CEACAM4: variants seen among roughly 807,000 people sequenced by gnomAD.
The protein encoded by CEACAM4 is CEA cell adhesion molecule 4, also known as cell adhesion molecule CEACAM4.
In CEACAM4, 30 loss-of-function variants were observed where a neutral mutation model predicts 28.7. The observed-to-expected ratio is 1.05, with a 90% CI of 0.78 to 1.42. The LOEUF (loss-of-function observed/expected upper bound fraction) is 1.42. Among genes scored for constraint, CEACAM4 ranks in the 40% most tolerant of loss-of-function variants. The probability of loss-of-function intolerance (pLI) is 0.00; values close to 1 mark genes in which losing one functional copy is unlikely to be tolerated. For synonymous variants in CEACAM4, 143 were observed against 126.5 expected, an observed-to-expected ratio of 1.13 and a Z score of -0.87; for missense variants, 330 against 308.2, an observed-to-expected ratio of 1.07 and a Z score of -0.53.
chr19:41,620,120 A>AGTGCT (rs1429040743), intron 5 of CEACAM4, 91 bp downstream of exon 5: 1 of 1,161,866 alleles, frequency 8.6e-7, no homozygotes, highest in Non-Finnish European at 1.2e-6. Context: ...AAGGTGGGTC[A>AGTGCT]GTGCTGTGCT....
Position 41,625,974 on chromosome 19 carries a change from A to T in CEACAM4, c.65-14T>A. On this transcript the variant is annotated splice_polypyrimidine_tract_variant and intron_variant, in intron 1 of 6. Transcript: ENST00000221954. ...TTAAAAGTGAGGCTAGGAGGTGAAG[A>T]CAGCATCAGTCAATACTGGGACCTA... The T allele has an allele frequency of 1.3e-6, 2 of 1,597,526 alleles. No individual in the cohort carries two copies. The highest frequency in any genetic ancestry group is 1.7e-6 in the Non-Finnish European group (2 of 1,171,316).
In CEACAM4 at chr19:41,621,701, C is replaced by G; in HGVS notation, c.492G>C (p.Val164=). 1 of 1,613,290 alleles carries G rather than the reference C, an allele frequency of 6.2e-7. No homozygotes were observed. Among genetic ancestry groups the G allele is most frequent in the Non-Finnish European group, 8.5e-7 (1 of 1,179,290 alleles). The change falls in exon 3 of 7, where the codon GTG becomes GTC. Residue 164 remains valine, a synonymous_variant. Coordinates refer to ENST00000221954, the MANE Select transcript of CEACAM4 (RefSeq NM_001817.4). ...AGIVTGVLVG[V]ALVAALVCFL... is the part of the protein sequence containing the mutation. ...AACACACCAGGGCGGCCACCAGAGC[C>G]ACCCCAACCAGGACCCCAGTCACGA...
downstream of CEACAM4, among the ~76,000 whole-genome samples, chr19:41,615,961 C>CTGAAGA (rs2070978095): frequency 6.6e-6 from 1 of 152,100 alleles, no homozygotes; most frequent in Non-Finnish European, 1.5e-5. Flanking sequence ...GGGATGTGTG[C>CTGAAGA]TGAAGAGGAA....
Position 41,620,459 on chromosome 19 carries a change from A to G in CEACAM4, c.595+116T>C, listed in dbSNP as rs559077342. The G allele has an allele frequency of 5.2e-6, 5 of 959,760 alleles. No homozygotes were observed. The South Asian group carries it at 8.3e-5, about 16-fold the overall frequency. The allele number at this position is 959,760 out of a possible 1,614,324, so 59.5% of individuals were successfully genotyped here. A position where few individuals can be genotyped will look rare whatever the true frequency, so the allele number is the denominator to read the frequency against. ...GGGGTCCCCTGTGTCATGTTTCCTG[A>G]CATCCTCCTTGCAGCCCCAAAGAAA... On this transcript the variant is annotated intron_variant, in intron 4 of 6. Transcript: ENST00000221954.
chr19:41,621,582 C>T (rs1333697085), intron 3 of CEACAM4, 69 bp downstream of exon 3: 7 of 795,568 alleles, frequency 8.8e-6, no homozygotes, highest in Admixed American at 2.1e-5. Flanking sequence ...GAATACAGGG[C>T]GGGGTCTCCC....
At position 41,626,998 on chromosome 19, in the gene CEACAM4, A is replaced by T; in HGVS notation, c.-35T>A. 6.4e-7 allele frequency: 1 copy of T among 1,568,196 alleles called. No homozygotes were observed. On this transcript the variant is annotated 5_prime_UTR_variant, in exon 1 of 7. Coordinates refer to ENST00000221954, the MANE Select transcript of CEACAM4 (RefSeq NM_001817.4). ...TGCCTGCTTGTCCTCTGTGGAGAGG[A>T]GCTGGGCTCCAGGAACGCTCTTGTC... is the stretch of plus-strand genomic sequence containing the variant.
At chr19:41,616,523 AG>A (rs1935117576), downstream of CEACAM4, among the ~76,000 whole-genome samples, 3 of 151,960 alleles carry the variant, frequency 2.0e-5, no homozygotes, top group African/African-American at 4.8e-5. Context: ...ATAGATAGAT[AG>A]ATAGATAGAT....
chr19:41,620,064 C>T lies in CEACAM4; in HGVS notation c.627+147G>A, dbSNP rs554867798. 6.8e-6 allele frequency: 5 copies of T among 738,188 alleles called. No homozygotes were observed. The East Asian group carries it at 9.5e-5, about 14-fold the overall frequency. The allele number at this position is 738,188 out of a possible 1,614,324, so 45.7% of individuals were successfully genotyped here. ...GTGGTCCTGGCCCTGTAGAGAGGCCCGGATCCTGGCCGGAGGCACTCACTT... is the reference window on the plus strand; with the variant it reads ...GTGGTCCTGGCCCTGTAGAGAGGCCTGGATCCTGGCCGGAGGCACTCACTT... On this transcript the variant is annotated intron_variant, in intron 5 of 6. Coordinates refer to ENST00000221954, the MANE Select transcript of CEACAM4 (RefSeq NM_001817.4).
chr19:41,622,853 T>TATATATAGATAG (rs201784352), intron 2 of CEACAM4, among the ~76,000 whole-genome samples: 2 of 132,332 alleles, frequency 1.5e-5, no homozygotes, highest in African/African-American at 6.2e-5. Flanking sequence ...TATACATATA[T>TATATATAGATAG]ATAGATAGAT....
chr19:41,625,434 T>C, intron 2 of CEACAM4, 167 bp downstream of exon 2: 1 of 818,802 alleles, frequency 1.2e-6, no homozygotes, highest in Non-Finnish European at 2.0e-6. Context: ...AAAGGAATTC[T>C]GATCTGTTGA....
At chr19:41,615,503 A>G (rs1350103512), downstream of CEACAM4, among the ~76,000 whole-genome samples, 1 of 152,126 alleles carries the variant, frequency 6.6e-6, no homozygotes, top group Non-Finnish European at 1.5e-5. Flanking sequence ...CTTAAAATGT[A>G]CATGGCATGG....
At chr19:41,615,944 T>C (rs1278657913), downstream of CEACAM4, among the ~76,000 whole-genome samples, 2 of 152,148 alleles carry the variant, frequency 1.3e-5, no homozygotes, top group African/African-American at 2.4e-5. Flanking sequence ...CCTATTTTAG[T>C]TCCCTGGGGA....
intron 1 of CEACAM4, 54 bp downstream of exon 1, chr19:41,626,846 C>A: frequency 6.6e-7 from 1 of 1,515,402 alleles, no homozygotes; most frequent in East Asian, 2.3e-5. Flanking sequence ...CAAGAGACCC[C>A]AGTCAGTCTC....
Position 41,623,415 on chromosome 19 carries a change from C to G in CEACAM4, c.425-1647G>C, listed in dbSNP as rs1047882399. Among the ~76,000 whole-genome samples, 13 of 134,886 alleles carry G rather than the reference C, an allele frequency of 9.6e-5. No individual in the cohort carries two copies. The Admixed American group carries it at 9.7e-4, about 10-fold the overall frequency. 88.5% of individuals were successfully genotyped at this position (134,886 alleles called of 152,430 possible). A position where few individuals can be genotyped will look rare whatever the true frequency, so the allele number is the denominator to read the frequency against. ...TCTGATGCTTGTTCTGTCTTTCGAACTGCATTTTTTTTTTTTTTTTTTTTT... is the reference window on the plus strand; with the variant it reads ...TCTGATGCTTGTTCTGTCTTTCGAAGTGCATTTTTTTTTTTTTTTTTTTTT... On this transcript the variant is annotated intron_variant, in intron 2 of 6. Transcript: ENST00000221954.
At chr19:41,624,083 T>G (rs1364212444) in intron 2 of CEACAM4, among the ~76,000 whole-genome samples, 1 of 152,068 alleles carries the variant, frequency 6.6e-6, no homozygotes, top group African/African-American at 2.4e-5. Context: ...CCTCCTAGGA[T>G]CTTGTATCCA....
chr19:41,625,943 A>C lies in CEACAM4; in HGVS notation c.82T>G (p.Trp28Gly), dbSNP rs1274658865. The C allele has an allele frequency of 3.1e-6, 5 of 1,610,880 alleles. No homozygotes were observed. The highest frequency in any genetic ancestry group is 4.2e-6 in the Non-Finnish European group (5 of 1,178,144). ...AACTGGACAGTGGTGGGCGGGTGCC[A>C]GAAGGTTAAAAGTGAGGCTAGGAGG... ...LLITASLLTF[W>G]HPPTTVQFTI... is the part of the protein sequence containing the mutation. Residue 28 changes from tryptophan to glycine, a missense_variant, in exon 2 of 7, where the codon TGG becomes GGG. Transcript: ENST00000221954.
At position 41,619,350 on chromosome 19, in the gene CEACAM4, T is replaced by C. The variant is rs1568644252; in HGVS notation, c.715A>G (p.Lys239Glu). The C allele has an allele frequency of 6.2e-7, 1 of 1,614,078 alleles. No homozygotes were observed. The highest frequency in any genetic ancestry group is 2.2e-5 in the East Asian group (1 of 44,870). Residue 239 changes from lysine to glutamate, a missense_variant, in exon 7 of 7, where the codon AAA (lysine) becomes GAA (glutamate). Transcript: ENST00000221954. ...GGAACCTAAGAGACCACATCTGCTT[T>C]GTGGTCGATCTGGCAGTAAATGTTT... is the stretch of plus-strand genomic sequence containing the variant. ...DANIYCQIDH[K>E]ADVVS
chr19:41,617,870 C>A (rs1209600940), downstream of CEACAM4, among the ~76,000 whole-genome samples: 1 of 152,146 alleles, frequency 6.6e-6, no homozygotes, highest in African/African-American at 2.4e-5. Context: ...ACTAAAGAGG[C>A]CTCACCTTGT....
At position 41,619,388 on chromosome 19, in the gene CEACAM4, A is replaced by G; in HGVS notation, c.677T>C (p.Leu226Pro). 1 of 1,613,992 alleles carries G rather than the reference A, an allele frequency of 6.2e-7. No individual in the cohort carries two copies. The highest frequency in any genetic ancestry group is 8.5e-7 in the Non-Finnish European group (1 of 1,179,872). ...GCAGTAAATGTTTGCATCAGAGTATAGCAATTCCTGTAAAAACAGAGAAGA... is the reference window on the plus strand; with the variant it reads ...GCAGTAAATGTTTGCATCAGAGTATGGCAATTCCTGTAAAAACAGAGAAGA... Reference protein sequence around the residue: ...RTATPIYEELLYSDANIYCQI... With the variant: ...RTATPIYEELPYSDANIYCQI... The change falls in exon 7 of 7, where the codon CTA becomes CCA. Residue 226 changes from leucine (L) to proline (P), a missense_variant. By Grantham distance (98) the Leu-to-Pro change is moderately conservative (BLOSUM62 -3). Transcript: ENST00000221954.
Sources: gnomAD v4.1 joint callset for allele counts (sites outside exome capture counted in the v4.1 genomes callset) on GRCh38, gnomAD v4.1.1 for gene constraint, MANE v1.5 for transcripts, NCBI Gene and HGNC (gene_info 2026-07-23, HGNC 2026-07-21) for gene names.